Variants in ZNF385D observed in about 807,000 individuals in gnomAD.
The protein encoded by ZNF385D is zinc finger protein 385D, also known as zinc finger protein 659.
ZNF385D carries 15 observed loss-of-function variants against 35.8 expected under a neutral mutation model. The observed-to-expected ratio is 0.42, with a 90% CI of 0.28 to 0.64. The LOEUF (loss-of-function observed/expected upper bound fraction) is 0.64. Among genes scored for constraint, ZNF385D ranks in the 30% least tolerant of loss-of-function variants. The pLI is 0.23. For missense variants in ZNF385D, 474 were observed against 494.6 expected, an observed-to-expected ratio of 0.96 and a Z score of 0.39; for synonymous variants, 212 against 186.8, an observed-to-expected ratio of 1.13 and a Z score of -1.10.
chr3:22,096,731 A>G (rs965063621), intron 3 of ZNF385D, among the ~76,000 whole-genome samples: 5 of 152,026 alleles, frequency 3.3e-5, no homozygotes, highest in African/African-American at 9.7e-5. Context: ...ACGCTGTTCT[A>G]TGTGTCATGG....
At chr3:21,914,970 G>A (rs546576267) in intron 3 of ZNF385D, among the ~76,000 whole-genome samples, 1 of 150,188 alleles carries the variant, frequency 6.7e-6, no homozygotes, top group East Asian at 2.0e-4. Flanking sequence ...AATACCACAA[G>A]CACGAGGAAA....
intron 3 of ZNF385D, among the ~76,000 whole-genome samples, chr3:22,144,585 A>G (rs897926369): frequency 3.3e-4 from 50 of 150,836 alleles, no homozygotes; most frequent in Non-Finnish European, 5.2e-4. Flanking sequence ...AAAAAAAAAA[A>G]AAAAAAAAAA....
intron 2 of ZNF385D, among the ~76,000 whole-genome samples, chr3:22,364,491 T>A (rs1035716648): frequency 6.6e-6 from 1 of 152,000 alleles, no homozygotes; most frequent in Non-Finnish European, 1.5e-5. Context: ...AACGAGCACA[T>A]GAAAAGAGAC....
At chr3:22,351,961 T>C (rs1695935298) in intron 2 of ZNF385D, among the ~76,000 whole-genome samples, 1 of 152,174 alleles carries the variant, frequency 6.6e-6, no homozygotes, top group African/African-American at 2.4e-5. Context: ...GGGCTTTCTT[T>C]TATACATCTT....
At chr3:21,649,663 T>C (rs13094966) in intron 2 of ZNF385D, among the ~76,000 whole-genome samples, 12,924 of 152,242 alleles carry the variant, frequency 0.085, 662 homozygotes, top group East Asian at 0.17. Flanking sequence ...AATTAATTTA[T>C]ATTGAATGCA....
intron 3 of ZNF385D, among the ~76,000 whole-genome samples, chr3:22,152,501 G>T (rs1204444471): frequency 1.3e-5 from 2 of 152,244 alleles, no homozygotes; most frequent in South Asian, 4.1e-4. Flanking sequence ...TGTTCCTTCT[G>T]AGGGCTGTAA....
chr3:21,847,648 A>AT (rs921591707), intron 3 of ZNF385D, among the ~76,000 whole-genome samples: 9 of 151,902 alleles, frequency 5.9e-5, no homozygotes, highest in African/African-American at 2.2e-4. Context: ...TTATTGAGAA[A>AT]TTTTTTATAT....
At chr3:22,296,713 C>A (rs1343761311) in intron 2 of ZNF385D, among the ~76,000 whole-genome samples, 2 of 152,112 alleles carry the variant, frequency 1.3e-5, no homozygotes, top group Non-Finnish European at 2.9e-5. Context: ...GAGCATACCT[C>A]TGCAGCTGAC....
intron 3 of ZNF385D, among the ~76,000 whole-genome samples, chr3:21,891,009 G>A (rs963752956): frequency 6.6e-6 from 1 of 152,102 alleles, no homozygotes; most frequent in African/African-American, 2.4e-5. Flanking sequence ...ACTTGGAACT[G>A]GACTAATACA....
intron 4 of ZNF385D, among the ~76,000 whole-genome samples, chr3:21,460,797 G>GA (rs1004306463): frequency 2.0e-5 from 3 of 152,064 alleles, no homozygotes; most frequent in African/African-American, 7.2e-5. Context: ...ACTTTCTACA[G>GA]AAAAATAGCA....
chr3:21,441,755 A>C, intron 4 of ZNF385D: 2 of 985,192 alleles, frequency 2.0e-6, no homozygotes, highest in Non-Finnish European at 2.4e-6. Context: ...GCAAAAGATG[A>C]GAAAGTAGGA....
chr3:21,650,675 G>A (rs1040064705), intron 2 of ZNF385D, among the ~76,000 whole-genome samples: 3 of 152,050 alleles, frequency 2.0e-5, no homozygotes, highest in Non-Finnish European at 2.9e-5. Flanking sequence ...AGAGTAACGT[G>A]AGCGCTCCAA....
intron 3 of ZNF385D, among the ~76,000 whole-genome samples, chr3:21,966,456 G>C (rs1013476639): frequency 4.6e-5 from 7 of 152,186 alleles, no homozygotes; most frequent in Non-Finnish European, 8.8e-5. Context: ...TCTTGGACTG[G>C]TTTGGATTCA....
chr3:22,078,414 C>G (rs1700577258), intron 3 of ZNF385D, among the ~76,000 whole-genome samples: 1 of 152,012 alleles, frequency 6.6e-6, no homozygotes, highest in Non-Finnish European at 1.5e-5. Flanking sequence ...GTGCTACCAT[C>G]AAGTGTGAAT....
At chr3:22,047,615 T>A (rs1699083982) in intron 3 of ZNF385D, among the ~76,000 whole-genome samples, 1 of 152,116 alleles carries the variant, frequency 6.6e-6, no homozygotes, top group African/African-American at 2.4e-5. Flanking sequence ...ATTGTGTGCA[T>A]AAATATACAC....
At chr3:22,269,002 C>T (rs1701037693) in intron 2 of ZNF385D, among the ~76,000 whole-genome samples, 1 of 151,880 alleles carries the variant, frequency 6.6e-6, no homozygotes, top group East Asian at 1.9e-4. Flanking sequence ...CATAAAAGTT[C>T]ATTTTCATAC....
intron 3 of ZNF385D, among the ~76,000 whole-genome samples, chr3:21,876,160 G>A (rs983708211): frequency 6.6e-6 from 1 of 150,738 alleles, no homozygotes; most frequent in Non-Finnish European, 1.5e-5. Flanking sequence ...TGTAAAGCAA[G>A]CAAGCAAACA....
chr3:21,667,629 C>T (rs551394647), intron 1 of ZNF385D, among the ~76,000 whole-genome samples: 5 of 152,238 alleles, frequency 3.3e-5, no homozygotes, highest in Non-Finnish European at 5.9e-5. Flanking sequence ...ATCTTGCTTC[C>T]GCAGAAAATA....
In ZNF385D at chr3:21,973,472, G is replaced by A. The variant is rs75336140; in HGVS notation, c.325+195345C>T. On this transcript the variant is annotated intron_variant, in intron 3 of 5. Transcript: ENST00000494108. ...CTCACCGCTAGTATCATATTGAACA[G>A]GGAAAAACTGACAGCTTTTCCTCTA... 8.6e-3 allele frequency among the ~76,000 whole-genome samples: 1,313 copies of A among 152,020 alleles called. 17 individuals are homozygous for A. The highest frequency in any genetic ancestry group is 9.5e-3 in the Non-Finnish European group (642 of 67,866).
Sources: gnomAD v4.1 joint callset for allele counts (sites outside exome capture counted in the v4.1 genomes callset) on GRCh38, gnomAD v4.1.1 for gene constraint, MANE v1.5 for transcripts, NCBI Gene and HGNC (gene_info 2026-07-23, HGNC 2026-07-21) for gene names.